The following PTPRT variants were observed in gnomAD, a reference collection of about 807,000 sequenced individuals.
PTPRT encodes protein tyrosine phosphatase receptor type T, also known as receptor-type tyrosine-protein phosphatase T.
In PTPRT, 56 loss-of-function variants were observed where a neutral mutation model predicts 176.8. The observed-to-expected ratio is 0.32, with a 90% confidence interval of 0.26 to 0.40. The LOEUF (loss-of-function observed/expected upper bound fraction) is 0.40, where lower values mean the gene tolerates loss of function less well. PTPRT is among the 10% of genes least tolerant of loss of function. The pLI is 1.00. For missense variants in PTPRT, 1,540 were observed against 1,908.2 expected, an observed-to-expected ratio of 0.81 and a Z score of 3.60; for synonymous variants, 783 against 739.0, an observed-to-expected ratio of 1.06 and a Z score of -0.96.
chr20:42,830,071 G>T, intron 2 of PTPRT, among the ~76,000 whole-genome samples: 1 of 152,106 alleles, frequency 6.6e-6, no homozygotes, highest in East Asian at 1.9e-4. Context: ...AATTGAGGAG[G>T]ATAGACTCCT....
intron 7 of PTPRT, among the ~76,000 whole-genome samples, chr20:42,641,838 C>A (rs2074761479): frequency 6.6e-6 from 1 of 152,118 alleles, no homozygotes; most frequent in Non-Finnish European, 1.5e-5. Flanking sequence ...ACAGAGGGAG[C>A]AATGCTTGGA....
intron 12 of PTPRT, among the ~76,000 whole-genome samples, chr20:42,290,622 TACCTC>T (rs1448698828): frequency 1.3e-5 from 2 of 152,108 alleles, no homozygotes; most frequent in African/African-American, 4.8e-5. Flanking sequence ...TACTTCCTAA[TACCTC>T]ATTTCATGCA....
At chr20:42,788,099 A>G (rs1192062678) in intron 3 of PTPRT, among the ~76,000 whole-genome samples, 1 of 152,120 alleles carries the variant, frequency 6.6e-6, no homozygotes. Context: ...AGGATACAAC[A>G]CGTCACGTTG....
At chr20:42,189,731 C>A (rs1990923577) in intron 16 of PTPRT, among the ~76,000 whole-genome samples, 1 of 152,190 alleles carries the variant, frequency 6.6e-6, no homozygotes, top group African/African-American at 2.4e-5. Context: ...CCAATTCTAG[C>A]TGGTTCTACT....
intron 6 of PTPRT, among the ~76,000 whole-genome samples, chr20:42,714,928 G>C (rs1397921088): frequency 6.6e-6 from 1 of 152,220 alleles, no homozygotes; most frequent in Non-Finnish European, 1.5e-5. Context: ...GTCTAGAAAA[G>C]AGTGGTTGAT....
intron 6 of PTPRT, among the ~76,000 whole-genome samples, chr20:42,750,920 G>A (rs774053205): frequency 3.9e-5 from 6 of 152,158 alleles, no homozygotes; most frequent in Non-Finnish European, 5.9e-5. Flanking sequence ...CAATTACAGA[G>A]TAATCTAATG....
chr20:42,132,133 T>C (rs1204918926), intron 18 of PTPRT, among the ~76,000 whole-genome samples: 1 of 152,236 alleles, frequency 6.6e-6, no homozygotes, highest in African/African-American at 2.4e-5. Context: ...AAAGGTGCTT[T>C]ATTATGATGT....
At chr20:42,461,295 C>G (rs1385526255) in intron 8 of PTPRT, among the ~76,000 whole-genome samples, 1 of 151,802 alleles carries the variant, frequency 6.6e-6, no homozygotes, top group Non-Finnish European at 1.5e-5. Context: ...CCATTGCACT[C>G]CAGCCTGGGC....
rs11469060 is a variant in PTPRT at position 42,657,076 on chromosome 20, GGTGA to G, written c.1153+20786_1153+20789del. Among the ~76,000 whole-genome samples the G allele has an allele frequency of 3.7e-4, 56 of 152,174 alleles. No individual in the cohort carries two copies. The East Asian group carries it at 8.3e-3, about 23-fold the overall frequency. Reference sequence around the variant, plus strand: ...GTTGCCCCCATCCTGTTCTTGTGATGGTGAGTGATTTCTCATGAGATCTGATGGT... The same window carrying G: ...GTTGCCCCCATCCTGTTCTTGTGATGGTGATTTCTCATGAGATCTGATGGT... On this transcript the variant is annotated intron_variant, in intron 7 of 30. Coordinates refer to ENST00000373187, the MANE Select transcript of PTPRT (RefSeq NM_007050.6).
At chr20:42,300,105 A>T (rs1268992187) in intron 12 of PTPRT, among the ~76,000 whole-genome samples, 1 of 151,834 alleles carries the variant, frequency 6.6e-6, no homozygotes, top group East Asian at 2.0e-4. Flanking sequence ...TAAAAATAAA[A>T]AAATTAGCTG....
chr20:43,057,584 T>G (rs1832249933), intron 1 of PTPRT, among the ~76,000 whole-genome samples: 2 of 152,358 alleles, frequency 1.3e-5, no homozygotes, highest in South Asian at 4.1e-4. Context: ...TTTGACAATA[T>G]TACTATGATT....
chr20:42,789,462 T>C (rs1569158196), intron 3 of PTPRT, among the ~76,000 whole-genome samples: 1 of 152,216 alleles, frequency 6.6e-6, no homozygotes, highest in Non-Finnish European at 1.5e-5. Flanking sequence ...GGGTTATCAC[T>C]TACCATTTCT....
At chr20:43,019,979 G>C (rs1193371102) in intron 1 of PTPRT, among the ~76,000 whole-genome samples, 1 of 151,808 alleles carries the variant, frequency 6.6e-6, no homozygotes, top group Non-Finnish European at 1.5e-5. Context: ...GCCTTCAGAC[G>C]TGGACCAATC....
At chr20:42,553,384 T>G (rs1396919940) in intron 7 of PTPRT, among the ~76,000 whole-genome samples, 4 of 152,042 alleles carry the variant, frequency 2.6e-5, no homozygotes, top group African/African-American at 9.7e-5. Context: ...TATCTCCCCC[T>G]TCCACTCACA....
chr20:43,096,887 A>G (rs575773679), intron 1 of PTPRT, among the ~76,000 whole-genome samples: 90 of 152,196 alleles, frequency 5.9e-4, no homozygotes, highest in African/African-American at 2.1e-3. Flanking sequence ...CATAAATCCA[A>G]TGGTGTGGGG....
chr20:42,722,185 A>T (rs2146235171), intron 6 of PTPRT, among the ~76,000 whole-genome samples: 1 of 152,066 alleles, frequency 6.6e-6, no homozygotes, highest in East Asian at 1.9e-4. Flanking sequence ...ACTTGTTAAA[A>T]CACAGATTCT....
chr20:42,998,272 A>G (rs2146122736), intron 1 of PTPRT, among the ~76,000 whole-genome samples: 1 of 152,292 alleles, frequency 6.6e-6, no homozygotes, highest in South Asian at 2.1e-4. Context: ...GCACCTACGT[A>G]TTCAATTACC....
rs1442473003 is a variant in PTPRT, at chr20:42,080,863, TC to T, written c.*15del. On this transcript the variant is annotated 3_prime_UTR_variant, in exon 31 of 31. Coordinates refer to ENST00000373187, the MANE Select transcript of PTPRT (RefSeq NM_007050.6). ...CAGCAGCCTCTGGACTCCGGCAGGT[TC>T]CCCATCCCATTGAGCTAAAAGGAGC... 1 of 1,603,636 alleles carries T rather than the reference TC, an allele frequency of 6.2e-7. No individual in the cohort carries two copies.
At chr20:42,744,938 G>A (rs969400908) in intron 6 of PTPRT, among the ~76,000 whole-genome samples, 3 of 152,248 alleles carry the variant, frequency 2.0e-5, no homozygotes, top group Admixed American at 1.3e-4. Flanking sequence ...TGGTTAGGCA[G>A]CTGCTTCACC....
Sources: allele counts gnomAD v4.1 joint callset (sites outside exome capture counted in the v4.1 genomes callset), GRCh38; gene constraint gnomAD v4.1.1; transcripts MANE v1.5; gene names NCBI Gene and HGNC (gene_info 2026-07-23, HGNC 2026-07-21).